Variants in FOXO3 observed in about 807,000 individuals in gnomAD.
The protein encoded by FOXO3 is forkhead box protein O3.
Under a neutral mutation model 41.9 loss-of-function variants are expected in FOXO3, and 4 were observed. The observed-to-expected ratio is 0.10, with a 90% CI of 0.05 to 0.22. The LOEUF (loss-of-function observed/expected upper bound fraction) is 0.22. Ranked by LOEUF, FOXO3 falls within the 10% of genes least tolerant of loss-of-function variation. The pLI is 1.00. For missense variants in FOXO3, 534 were observed against 906.8 expected (o/e 0.59, Z 5.28); for synonymous variants, 318 against 389.3 (o/e 0.82, Z 2.16).
chr6:108,580,814 T>TTA (rs1776397508), intron 1 of FOXO3, among the ~76,000 whole-genome samples: 1 of 152,220 alleles, frequency 6.6e-6, no homozygotes, highest in Non-Finnish European at 1.5e-5. Flanking sequence ...GAGTTGAGTG[T>TTA]TAGGTTGTAG....
chr6:108,664,833 C>G lies in FOXO3; in HGVS notation c.2000C>G (p.Ser667Cys). The G allele has an allele frequency of 6.4e-7, 1 of 1,554,082 alleles. No individual in the cohort carries two copies. The highest frequency in any genetic ancestry group is 8.7e-7 in the Non-Finnish European group (1 of 1,153,850). ...TTCACTGGTGCTAAGCAGGCCTCAT[C>G]TCAGAGCTGGGTGCCAGGCTGAAGG... Reference protein sequence around the residue: ...GNFTGAKQASSQSWVPG With the variant: ...GNFTGAKQASCQSWVPG Residue 667 changes from serine to cysteine, a missense_variant, in exon 2 of 3, where the codon TCT becomes TGT. Coordinates refer to ENST00000406360, the MANE Select transcript of FOXO3 (RefSeq NM_001455.4).
chr6:108,596,846 A>G (rs1776900275), intron 1 of FOXO3, among the ~76,000 whole-genome samples: 2 of 152,232 alleles, frequency 1.3e-5, no homozygotes, highest in Admixed American at 1.3e-4. Context: ...ATATTGTTTA[A>G]TCCATCATAT....
chr6:108,631,318 C>G (rs1000278878), intron 1 of FOXO3, among the ~76,000 whole-genome samples: 2 of 152,146 alleles, frequency 1.3e-5, no homozygotes, highest in African/African-American at 4.8e-5. Context: ...GTGGAAGGTA[C>G]TGGTCTGTGT....
chr6:108,570,135 G>A (rs757204848), intron 1 of FOXO3, among the ~76,000 whole-genome samples: 19 of 151,710 alleles, frequency 1.3e-4, no homozygotes, highest in Non-Finnish European at 2.4e-4. Context: ...AAGTAGCTGG[G>A]ACTGCAGGCG....
chr6:108,632,417 T>C (rs1024431304), intron 1 of FOXO3, among the ~76,000 whole-genome samples: 6 of 152,188 alleles, frequency 3.9e-5, no homozygotes, highest in African/African-American at 1.4e-4. Flanking sequence ...ATGTAATACT[T>C]TACCATATAA....
At chr6:108,623,820 T>C (rs1191036987) in intron 1 of FOXO3, among the ~76,000 whole-genome samples, 2 of 152,212 alleles carry the variant, frequency 1.3e-5, no homozygotes, top group Non-Finnish European at 2.9e-5. Flanking sequence ...CTGCTCTTAA[T>C]ATTTCCTTCT....
chr6:108,658,546 G>C (rs1281832149), intron 1 of FOXO3, among the ~76,000 whole-genome samples: 1 of 152,018 alleles, frequency 6.6e-6, no homozygotes, highest in East Asian at 1.9e-4. Context: ...GGAGGGTTGT[G>C]GTTTTTTGTG....
intron 1 of FOXO3, among the ~76,000 whole-genome samples, chr6:108,582,850 A>G (rs1306179216): frequency 1.3e-5 from 2 of 152,022 alleles, no homozygotes; most frequent in African/African-American, 4.8e-5. Flanking sequence ...CCCCCTTCTC[A>G]GCAGCCCTGC....
chr6:108,559,964 C>T (rs528352648), upstream of FOXO3: 3 of 151,216 alleles, frequency 2.0e-5, no homozygotes, highest in Non-Finnish European at 4.4e-5. Flanking sequence ...TGCCCCGGGC[C>T]CGCGCGGGAT....
chr6:108,620,152 A>C (rs1222277248), intron 1 of FOXO3, among the ~76,000 whole-genome samples: 2 of 152,096 alleles, frequency 1.3e-5, no homozygotes, highest in South Asian at 2.1e-4. Flanking sequence ...TAAGTTAATA[A>C]ATTCTTTTAT....
chr6:108,605,082 A>G (rs558377174), intron 1 of FOXO3, among the ~76,000 whole-genome samples: 1 of 152,082 alleles, frequency 6.6e-6, no homozygotes, highest in African/African-American at 2.4e-5. Flanking sequence ...TCATAGTCAC[A>G]CTCTTTATCA....
chr6:108,632,492 T>C (rs1278315116), intron 1 of FOXO3, among the ~76,000 whole-genome samples: 1 of 152,222 alleles, frequency 6.6e-6, no homozygotes, highest in East Asian at 1.9e-4. Context: ...TTTCTCTTTC[T>C]CCCCTAACCC....
chr6:108,593,310 T>C (rs997521181), intron 1 of FOXO3, among the ~76,000 whole-genome samples: 7 of 152,266 alleles, frequency 4.6e-5, no homozygotes, highest in African/African-American at 1.4e-4. Flanking sequence ...GTCAGGTTAA[T>C]TGGGCTTAAG....
At chr6:108,616,494 C>T (rs764424910) in intron 1 of FOXO3, among the ~76,000 whole-genome samples, 19 of 152,012 alleles carry the variant, frequency 1.2e-4, no homozygotes, top group Admixed American at 2.6e-4. Flanking sequence ...AATGGGGTTT[C>T]GCTGTGTTGG....
chr6:108,566,246 C>G (rs1285105835), intron 1 of FOXO3, among the ~76,000 whole-genome samples: 2 of 152,080 alleles, frequency 1.3e-5, no homozygotes, highest in Admixed American at 6.5e-5. Context: ...ATGTTTATCT[C>G]CTTCTTAGAA....
rs1316317164 is a variant in FOXO3, at chr6:108,561,062, C to T, written c.-147C>T. The T allele has an allele frequency of 1.2e-5, 17 of 1,419,994 alleles. No homozygotes were observed. Among genetic ancestry groups the T allele is most frequent in the Admixed American group, 6.7e-5 (2 of 29,970 alleles). 88.0% of individuals were successfully genotyped at this position (1,419,994 alleles called of 1,614,324 possible). A position where few individuals can be genotyped will look rare whatever the true frequency, so the allele number is the denominator to read the frequency against. On this transcript the variant is annotated 5_prime_UTR_variant, in exon 1 of 3. Coordinates refer to ENST00000406360, the MANE Select transcript of FOXO3 (RefSeq NM_001455.4). Reference sequence around the variant, plus strand: ...CGGCCCGGGATAACCAACTCTCCTTCTCTCTTCTTTGGTGCTTCCCCAGGC... The same window carrying T: ...CGGCCCGGGATAACCAACTCTCCTTTTCTCTTCTTTGGTGCTTCCCCAGGC...
At chr6:108,589,120 T>C (rs1776664615) in intron 1 of FOXO3, among the ~76,000 whole-genome samples, 1 of 152,232 alleles carries the variant, frequency 6.6e-6, no homozygotes, top group South Asian at 2.1e-4. Flanking sequence ...TGGAGTCCTG[T>C]GGACTGTTTC....
intron 1 of FOXO3, among the ~76,000 whole-genome samples, chr6:108,645,506 G>A (rs1778371304): frequency 6.7e-6 from 1 of 148,578 alleles, no homozygotes; most frequent in African/African-American, 2.5e-5. Flanking sequence ...AACAAGAAGT[G>A]TCAATAGCCT....
chr6:108,673,261 G>T (rs1436965973), intron 2 of FOXO3, among the ~76,000 whole-genome samples: 1 of 152,202 alleles, frequency 6.6e-6, no homozygotes, highest in Non-Finnish European at 1.5e-5. Context: ...CCCCATGGGA[G>T]GCAGCCCCAG....
Sources: allele counts gnomAD v4.1 joint callset (sites outside exome capture counted in the v4.1 genomes callset), GRCh38; gene constraint gnomAD v4.1.1; transcripts MANE v1.5; gene names NCBI Gene and HGNC (gene_info 2026-07-23, HGNC 2026-07-21).